RYR2: variants seen among roughly 807,000 people sequenced by gnomAD.
The protein encoded by RYR2 is cardiac muscle ryanodine receptor-calcium release channel.
Under a neutral mutation model 601.1 loss-of-function variants are expected in RYR2, and 227 were observed. That is an observed-to-expected ratio of 0.38 (90% CI 0.34 to 0.42). The LOEUF is 0.42. Among genes scored for constraint, RYR2 ranks in the 10% least tolerant of loss-of-function variants. The probability of loss-of-function intolerance (pLI) is 1.00; values close to 1 mark genes in which losing one functional copy is unlikely to be tolerated. For synonymous variants in RYR2, 2,223 were observed against 2,175.1 expected, an observed-to-expected ratio of 1.02 and a Z score of -0.61; for missense variants, 4,646 against 6,156.5, an observed-to-expected ratio of 0.75 and a Z score of 8.21.
At chr1:237,073,466 G>A (rs927712794) in intron 1 of RYR2, among the ~76,000 whole-genome samples, 4 of 152,220 alleles carry the variant, frequency 2.6e-5, no homozygotes, top group African/African-American at 9.6e-5. Flanking sequence ...GCCATGTGTG[G>A]CTGTTGAATA....
At chr1:237,223,731 T>C (rs1684071953) in intron 1 of RYR2, among the ~76,000 whole-genome samples, 1 of 152,194 alleles carries the variant, frequency 6.6e-6, no homozygotes, top group African/African-American at 2.4e-5. Flanking sequence ...CACAGGTTTG[T>C]CCGACCAGTC....
rs565481438 is a variant in RYR2 at position 237,761,502 on chromosome 1, A to C, written c.11476+474A>C. On this transcript the variant is annotated intron_variant, in intron 84 of 104. Transcript: ENST00000366574. ...TTCCCTTCCAGCACAGTGATCCTCA[A>C]ATCCATACATGTTTGCAAGTCTAGA... Among the ~76,000 whole-genome samples, 5 of 152,286 alleles carry C rather than the reference A, an allele frequency of 3.3e-5. No homozygotes were observed. The South Asian group carries it at 8.3e-4, about 25-fold the overall frequency.
chr1:237,107,059 T>TG (rs1275928758), intron 1 of RYR2, among the ~76,000 whole-genome samples: 6 of 152,072 alleles, frequency 3.9e-5, no homozygotes, highest in Non-Finnish European at 8.8e-5. Flanking sequence ...TAAGGCCATA[T>TG]GGGGGAAATA....
Position 237,226,285 on chromosome 1 carries a change from G to A in RYR2, c.49-44212G>A, listed in dbSNP as rs187191237. On this transcript the variant is annotated intron_variant, in intron 1 of 104. Transcript: ENST00000366574. ...GTATTTCGCCTCTCACTGATTGCTG[G>A]AATTTAAAAATGCATTCCTCTGGAC... Among the ~76,000 whole-genome samples, 3 of 152,244 alleles carry A rather than the reference G, an allele frequency of 2.0e-5. No homozygotes were observed. In the East Asian group the frequency reaches 5.8e-4, roughly 29 times the overall value.
At position 237,790,174 on chromosome 1, in the gene RYR2, T is replaced by C. The variant is rs1264276456; in HGVS notation, c.13477-1255T>C. Among the ~76,000 whole-genome samples, 4 of 152,210 alleles carry C rather than the reference T, an allele frequency of 2.6e-5. No homozygotes were observed. The East Asian group carries it at 5.8e-4, about 22-fold the overall frequency. ...TAACCTATTACTTTAAACCCACTTC[T>C]CTAGGCTTTATTTTTTCCCAGCCCA... is the stretch of plus-strand genomic sequence containing the variant. On this transcript the variant is annotated intron_variant, in intron 92 of 104. Transcript: ENST00000366574.
intron 2 of RYR2, among the ~76,000 whole-genome samples, chr1:237,283,301 C>T (rs1433455598): frequency 6.6e-6 from 1 of 152,116 alleles, no homozygotes; most frequent in Non-Finnish European, 1.5e-5. Context: ...CTCTCTTTCT[C>T]ATTCACTTGA....
chr1:237,513,426 A>G (rs1014767451), intron 24 of RYR2, among the ~76,000 whole-genome samples: 4 of 152,140 alleles, frequency 2.6e-5, no homozygotes, highest in African/African-American at 9.7e-5. Context: ...TTTCCACTGA[A>G]ATTATTTTAC....
At chr1:237,685,991 A>C (rs1686356425) in intron 62 of RYR2, among the ~76,000 whole-genome samples, 1 of 152,216 alleles carries the variant, frequency 6.6e-6, no homozygotes, top group South Asian at 2.1e-4. Context: ...GGTGATGGCC[A>C]AAACTTACTG....
At chr1:237,571,534 C>T (rs1444622444) in intron 29 of RYR2, among the ~76,000 whole-genome samples, 2 of 151,966 alleles carry the variant, frequency 1.3e-5, no homozygotes, top group Non-Finnish European at 2.9e-5. Context: ...AGGCTGGTCT[C>T]GAACTCCTGA....
At chr1:237,550,823 A>C in intron 27 of RYR2, 132 bp downstream of exon 27, 1 of 1,005,862 alleles carries the variant, frequency 9.9e-7, no homozygotes, top group Non-Finnish European at 1.4e-6. Flanking sequence ...AGCCAAGTGG[A>C]TTTTCTTCCC....
At position 237,591,863 on chromosome 1, in the gene RYR2, T is replaced by G. The variant is rs1363424814; in HGVS notation, c.4275+10T>G. 2 of 1,600,306 alleles carry G rather than the reference T, an allele frequency of 1.2e-6. No individual in the cohort carries two copies. The highest frequency in any genetic ancestry group is 2.7e-5 in the African/African-American group (2 of 74,694). ...GATGCAAACGTCCACGGTATGAGGT[T>G]GCAGCTTTTGTCGTTTATTTCTATC... On this transcript the variant is annotated intron_variant, in intron 32 of 104. Transcript: ENST00000366574.
intron 24 of RYR2, among the ~76,000 whole-genome samples, chr1:237,520,751 A>T (rs1160795752): frequency 3.3e-5 from 5 of 152,186 alleles, no homozygotes; most frequent in African/African-American, 4.8e-5. Flanking sequence ...AGACTGAATC[A>T]GTGGCCAGGT....
chr1:237,061,628 G>A (rs1238631188), intron 1 of RYR2, among the ~76,000 whole-genome samples: 1 of 152,088 alleles, frequency 6.6e-6, no homozygotes, highest in African/African-American at 2.4e-5. Flanking sequence ...ATTAACTTTT[G>A]GGGAGTATTT....
At chr1:237,183,649 AG>A (rs1679027232) in intron 1 of RYR2, among the ~76,000 whole-genome samples, 1 of 152,242 alleles carries the variant, frequency 6.6e-6, no homozygotes. Flanking sequence ...GACTCTTTGG[AG>A]ATAACCTCAG....
At chr1:237,330,031 A>C (rs1396065455) in intron 2 of RYR2, among the ~76,000 whole-genome samples, 4 of 152,196 alleles carry the variant, frequency 2.6e-5, no homozygotes, top group Admixed American at 2.0e-4. Flanking sequence ...ATACTAATTC[A>C]GTTTTATATT....
chr1:237,427,678 G>A (rs552092379), intron 12 of RYR2, among the ~76,000 whole-genome samples: 53 of 149,432 alleles, frequency 3.5e-4, no homozygotes, highest in African/African-American at 1.2e-3. Context: ...AGCTGCTTGG[G>A]AGGCTGAGGG....
At chr1:237,502,448 C>T (rs561138212) in intron 21 of RYR2, among the ~76,000 whole-genome samples, 28 of 152,196 alleles carry the variant, frequency 1.8e-4, no homozygotes, top group African/African-American at 6.3e-4. Context: ...CCTTAGGCAC[C>T]GCTTTTGTGG....
In RYR2 at chr1:237,744,349, TA is replaced by T. The variant is rs752916603; in HGVS notation, c.11145+2013del. On this transcript the variant is annotated intron_variant, in intron 80 of 104. Coordinates refer to ENST00000366574, the MANE Select transcript of RYR2 (RefSeq NM_001035.3). ...AAGACTTTAGTTTTGTTTGTTTGTT[TA>T]AAAAAAAAAAAAGCTTTTTAGGTGG... Among the ~76,000 whole-genome samples the T allele has an allele frequency of 2.9e-3, 408 of 140,674 alleles. 2 individuals are homozygous for T. Among genetic ancestry groups the T allele is most frequent in the Admixed American group, 2.3e-3 (32 of 14,052 alleles). The allele number at this position is 140,674 out of a possible 152,430, so 92.3% of individuals were successfully genotyped here.
At chr1:237,329,666 A>T (rs1458886672) in intron 2 of RYR2, among the ~76,000 whole-genome samples, 2 of 152,154 alleles carry the variant, frequency 1.3e-5, no homozygotes, top group East Asian at 3.9e-4. Flanking sequence ...AAATTAAAAC[A>T]TATATATGTT....
Sources: gnomAD v4.1 joint callset for allele counts (sites outside exome capture counted in the v4.1 genomes callset) on GRCh38, gnomAD v4.1.1 for gene constraint, MANE v1.5 for transcripts, NCBI Gene and HGNC (gene_info 2026-07-23, HGNC 2026-07-21) for gene names.